The following SLAIN1 variants were observed in gnomAD, a reference collection of about 807,000 sequenced individuals.
The protein encoded by SLAIN1 is SLAIN family member 1.
In SLAIN1, 17 loss-of-function variants were observed where a neutral mutation model predicts 55.4. The observed-to-expected ratio is 0.31, with a 90% confidence interval of 0.21 to 0.46. The LOEUF (loss-of-function observed/expected upper bound fraction) is 0.46. SLAIN1 is among the 20% of genes least tolerant of loss of function. The pLI is 1.00. For synonymous variants in SLAIN1, 348 were observed against 337.4 expected (o/e 1.03, Z -0.35); for missense variants, 682 against 785.1 (o/e 0.87, Z 1.57).
Position 77,697,745 on chromosome 13 carries a change from C to T in SLAIN1, c.-169C>T, listed in dbSNP as rs1737432313. On this transcript the variant is annotated 5_prime_UTR_variant, in exon 1 of 7. Transcript: ENST00000418532. Reference sequence around the variant, plus strand: ...TCAGCTCGGTGGTGGCTGCCGCGGCCGGAGGCGAGGGCCCGGTGCTGATGC... The same window carrying T: ...TCAGCTCGGTGGTGGCTGCCGCGGCTGGAGGCGAGGGCCCGGTGCTGATGC... The T allele has an allele frequency of 2.4e-5, 12 of 502,688 alleles. No homozygotes were observed. Among genetic ancestry groups the T allele is most frequent in the Non-Finnish European group, 3.1e-5 (11 of 352,628 alleles). 31.1% of individuals were successfully genotyped at this position (502,688 alleles called of 1,614,324 possible). A position where few individuals can be genotyped will look rare whatever the true frequency, so the allele number is the denominator to read the frequency against.
At chr13:77,700,423 T>G (rs2091019302) in intron 1 of SLAIN1, among the ~76,000 whole-genome samples, 1 of 152,170 alleles carries the variant, frequency 6.6e-6, no homozygotes, top group Non-Finnish European at 1.5e-5. Flanking sequence ...TGGCAGAGAA[T>G]CTTCCTGAAA....
Position 77,697,820 on chromosome 13 carries a change from G to C in SLAIN1, c.-94G>C. 8.5e-7 allele frequency: 1 copy of C among 1,177,366 alleles called. No individual in the cohort carries two copies. Among genetic ancestry groups the C allele is most frequent in the Non-Finnish European group, 1.0e-6 (1 of 952,420 alleles). 72.9% of individuals were successfully genotyped at this position (1,177,366 alleles called of 1,614,324 possible). On this transcript the variant is annotated 5_prime_UTR_variant, in exon 1 of 7. Transcript: ENST00000418532. ...GCGCGTGGTCGGCCCCCCAGGCCGG[G>C]GCGACAGGGAAGGAGCCGTAGCCTC...
In SLAIN1 at chr13:77,698,623, G is replaced by T. The variant is rs1227682131; in HGVS notation, c.626+84G>T. ...GGAGCGGGGGCGGGGGGCGGACGGG[G>T]GTCCCCTCGCGGCAGCCGGGGTGAC... On this transcript the variant is annotated intron_variant, in intron 1 of 6. Transcript: ENST00000418532. The surrounding 1 kb of genome is among the most constrained non-coding windows in gnomAD (Gnocchi z 4.1). 7.6e-7 allele frequency: 1 copy of T among 1,321,120 alleles called. No individual in the cohort carries two copies. Among genetic ancestry groups the T allele is most frequent in the East Asian group, 3.0e-5 (1 of 33,770 alleles). The allele number at this position is 1,321,120 out of a possible 1,614,324, so 81.8% of individuals were successfully genotyped here.
intron 2 of SLAIN1, among the ~76,000 whole-genome samples, chr13:77,725,513 T>A (rs941134680): frequency 1.3e-5 from 2 of 152,230 alleles, no homozygotes; most frequent in Non-Finnish European, 2.9e-5. Flanking sequence ...TTCCTTAATG[T>A]GAGCCTGGAG....
At chr13:77,708,032 G>A (rs1015996468) in intron 1 of SLAIN1, among the ~76,000 whole-genome samples, 6 of 152,154 alleles carry the variant, frequency 3.9e-5, no homozygotes, top group East Asian at 1.9e-4. Flanking sequence ...TATGAAATGC[G>A]GAGTGGGAAT....
At chr13:77,760,048 T>A (rs1423146150) in intron 5 of SLAIN1, among the ~76,000 whole-genome samples, 1 of 152,204 alleles carries the variant, frequency 6.6e-6, no homozygotes, top group Non-Finnish European at 1.5e-5. Context: ...AAACAGGGTA[T>A]GTCCATGTTT....
chr13:77,722,425 A>T (rs1385476565), intron 2 of SLAIN1, among the ~76,000 whole-genome samples: 1 of 152,132 alleles, frequency 6.6e-6, no homozygotes, highest in Non-Finnish European at 1.5e-5. Context: ...TAAGACAAAT[A>T]TCAAATTGCT....
chr13:77,712,841 G>A (rs1007191074), intron 1 of SLAIN1, among the ~76,000 whole-genome samples: 10 of 152,116 alleles, frequency 6.6e-5, no homozygotes, highest in African/African-American at 2.2e-4. Context: ...AAAACAGCAT[G>A]GTACTGGTAC....
At chr13:77,699,729 G>T (rs1353629395) in intron 1 of SLAIN1, among the ~76,000 whole-genome samples, 1 of 152,138 alleles carries the variant, frequency 6.6e-6, no homozygotes, top group African/African-American at 2.4e-5. Context: ...CCTTTCAGAG[G>T]TGTATTCATC....
rs371764984 is a variant in SLAIN1, at chr13:77,739,529, G to C, written c.767-4754G>C. On this transcript the variant is annotated intron_variant, in intron 2 of 6. Coordinates refer to ENST00000418532, the MANE Select transcript of SLAIN1 (RefSeq NM_001242868.2). Reference sequence around the variant, plus strand: ...ACTACCGACCTTTTGAGTCTTCTAAGATATTAAATCAGTTTTTTCTTTTAT... The same window carrying C: ...ACTACCGACCTTTTGAGTCTTCTAACATATTAAATCAGTTTTTTCTTTTAT... Among the ~76,000 whole-genome samples, 29 of 152,160 alleles carry C rather than the reference G, an allele frequency of 1.9e-4. No homozygotes were observed. In the East Asian group the frequency reaches 3.5e-3, roughly 18 times the overall value.
chr13:77,726,459 C>T (rs2091309117), intron 2 of SLAIN1, among the ~76,000 whole-genome samples: 1 of 151,968 alleles, frequency 6.6e-6, no homozygotes, highest in African/African-American at 2.4e-5. Flanking sequence ...CAGGGTCTTA[C>T]TCTATTGCCT....
At chr13:77,750,497 T>C (rs1239877806) in intron 4 of SLAIN1, among the ~76,000 whole-genome samples, 1 of 152,140 alleles carries the variant, frequency 6.6e-6, no homozygotes, top group Non-Finnish European at 1.5e-5. Flanking sequence ...ATATGGCCAC[T>C]AAGATTATGT....
At chr13:77,719,730 TG>T in intron 2 of SLAIN1, 59 bp downstream of exon 2, 2 of 1,571,126 alleles carry the variant, frequency 1.3e-6, no homozygotes, top group Non-Finnish European at 1.7e-6. Context: ...GTGCTGCTTT[TG>T]TTGCTGGTTT....
At chr13:77,727,671 A>AG (rs1194939042) in intron 2 of SLAIN1, among the ~76,000 whole-genome samples, 3 of 152,162 alleles carry the variant, frequency 2.0e-5, no homozygotes, top group African/African-American at 4.8e-5. Flanking sequence ...TTGTTGAAGG[A>AG]GTGAATATGG....
chr13:77,727,390 T>G (rs568271510), intron 2 of SLAIN1, among the ~76,000 whole-genome samples: 2 of 152,206 alleles, frequency 1.3e-5, no homozygotes, highest in East Asian at 3.9e-4. Flanking sequence ...CTGAATTTTT[T>G]TTGTGTGATT....
At chr13:77,754,561 C>T (rs560776185) in intron 5 of SLAIN1, among the ~76,000 whole-genome samples, 2 of 152,272 alleles carry the variant, frequency 1.3e-5, no homozygotes, top group African/African-American at 4.8e-5. Flanking sequence ...TGCTGTTCTT[C>T]TCTGCCTAGC....
intron 5 of SLAIN1, among the ~76,000 whole-genome samples, chr13:77,754,695 C>A (rs181753706): frequency 6.6e-6 from 1 of 152,120 alleles, no homozygotes; most frequent in Non-Finnish European, 1.5e-5. Context: ...TCAAATACCC[C>A]CCAAACAATA....
intron 2 of SLAIN1, among the ~76,000 whole-genome samples, chr13:77,734,748 G>A (rs947241653): frequency 3.3e-5 from 5 of 152,102 alleles, no homozygotes; most frequent in African/African-American, 7.2e-5. Context: ...TTGGCTGGGC[G>A]GTGGCTCACA....
At chr13:77,699,369 A>G (rs1329925575) in intron 1 of SLAIN1, 3 of 193,976 alleles carry the variant, frequency 1.5e-5, no homozygotes, top group African/African-American at 2.3e-5. Flanking sequence ...TAGCTTGGTT[A>G]TCAGAAAACT....
Sources: allele counts gnomAD v4.1 joint callset (sites outside exome capture counted in the v4.1 genomes callset), GRCh38; gene constraint gnomAD v4.1.1; non-coding constraint Gnocchi (gnomAD v3.1); transcripts MANE v1.5; gene names NCBI Gene and HGNC (gene_info 2026-07-23, HGNC 2026-07-21).